The following MLLT3 variants were observed in gnomAD, a reference collection of about 807,000 sequenced individuals.
MLLT3 encodes MLLT3 super elongation complex subunit, also known as protein AF-9.
A neutral mutation model predicts 53.2 loss-of-function variants in MLLT3; 4 were observed. The observed-to-expected ratio is 0.08, with a 90% CI of 0.04 to 0.17. The LOEUF (loss-of-function observed/expected upper bound fraction) is 0.17. MLLT3 is among the 10% of genes least tolerant of loss of function. The pLI, the probability that MLLT3 is intolerant of heterozygous loss-of-function variation, is 1.00. For synonymous variants in MLLT3, 283 were observed against 230.6 expected, an observed-to-expected ratio of 1.23 and a Z score of -2.06; for missense variants, 569 against 684.0, an observed-to-expected ratio of 0.83 and a Z score of 1.87.
At chr9:20,587,691 T>G (rs1043926182) in intron 2 of MLLT3, among the ~76,000 whole-genome samples, 4 of 152,208 alleles carry the variant, frequency 2.6e-5, no homozygotes, top group East Asian at 1.9e-4. Context: ...TGGGGTTGTT[T>G]GTTTTTTTCT....
chr9:20,356,698 CT>C (rs762813248), intron 8 of MLLT3, among the ~76,000 whole-genome samples: 7 of 152,194 alleles, frequency 4.6e-5, no homozygotes, highest in Non-Finnish European at 8.8e-5. Context: ...CTTGAGGACG[CT>C]GTATTTGCAA....
At chr9:20,381,138 A>G (rs1042414349) in intron 5 of MLLT3, among the ~76,000 whole-genome samples, 1 of 151,976 alleles carries the variant, frequency 6.6e-6, no homozygotes, top group Non-Finnish European at 1.5e-5. Flanking sequence ...TCAAAAGAAA[A>G]TGCTCCAACA....
intron 4 of MLLT3, among the ~76,000 whole-genome samples, chr9:20,419,742 A>G (rs1020529275): frequency 6.6e-6 from 1 of 152,228 alleles, no homozygotes; most frequent in African/African-American, 2.4e-5. Context: ...CCAAAATTTA[A>G]GAATTCAAAT....
At chr9:20,566,746 T>C (rs1267157757) in intron 2 of MLLT3, among the ~76,000 whole-genome samples, 1 of 152,058 alleles carries the variant, frequency 6.6e-6, no homozygotes, top group Non-Finnish European at 1.5e-5. Context: ...GAAACACATG[T>C]CTGTGTCCTT....
intron 2 of MLLT3, among the ~76,000 whole-genome samples, chr9:20,474,547 T>A (rs1312389119): frequency 6.6e-6 from 1 of 152,100 alleles, no homozygotes; most frequent in African/African-American, 2.4e-5. Context: ...ACCAAAAGAC[T>A]CTGCCTTCAT....
chr9:20,540,123 C>G (rs1818589903), intron 2 of MLLT3, among the ~76,000 whole-genome samples: 1 of 152,232 alleles, frequency 6.6e-6, no homozygotes, highest in Admixed American at 6.5e-5. Flanking sequence ...AAGGGCTGGG[C>G]TCCCAAGGCC....
chr9:20,394,043 T>C (rs563539268), intron 5 of MLLT3, among the ~76,000 whole-genome samples: 10 of 152,206 alleles, frequency 6.6e-5, no homozygotes, highest in Non-Finnish European at 1.3e-4. Context: ...AATCATTCAA[T>C]GCCACCATCC....
At chr9:20,506,399 G>A (rs983184637) in intron 2 of MLLT3, among the ~76,000 whole-genome samples, 2 of 152,092 alleles carry the variant, frequency 1.3e-5, no homozygotes, top group Admixed American at 6.5e-5. Context: ...TAGACTGCTG[G>A]CTCTCCCTTT....
At chr9:20,602,718 C>G (rs1374362409) in intron 2 of MLLT3, among the ~76,000 whole-genome samples, 2 of 151,544 alleles carry the variant, frequency 1.3e-5, no homozygotes, top group African/African-American at 4.8e-5. Context: ...ATTATCAAAT[C>G]TCCTACTGCC....
At chr9:20,491,135 G>A (rs1032293564) in intron 2 of MLLT3, among the ~76,000 whole-genome samples, 3 of 151,876 alleles carry the variant, frequency 2.0e-5, no homozygotes, top group Admixed American at 2.0e-4. Flanking sequence ...CAACCCAACA[G>A]GAAAAACAAT....
chr9:20,424,205 A>G (rs1823085926), intron 4 of MLLT3, among the ~76,000 whole-genome samples: 1 of 152,176 alleles, frequency 6.6e-6, no homozygotes, highest in South Asian at 2.1e-4. Flanking sequence ...AATTTATTTT[A>G]AAATCAGAGG....
intron 2 of MLLT3, among the ~76,000 whole-genome samples, chr9:20,562,128 G>A (rs1456950590): frequency 6.6e-6 from 1 of 152,046 alleles, no homozygotes; most frequent in East Asian, 1.9e-4. Flanking sequence ...AGCCATGCAT[G>A]TCAACATTTA....
At chr9:20,498,508 T>C (rs1461042531) in intron 2 of MLLT3, among the ~76,000 whole-genome samples, 1 of 152,204 alleles carries the variant, frequency 6.6e-6, no homozygotes, top group East Asian at 1.9e-4. Context: ...CTGTAGGTTA[T>C]TCATATAATC....
intron 4 of MLLT3, among the ~76,000 whole-genome samples, chr9:20,445,112 C>T (rs767357680): frequency 1.3e-4 from 20 of 152,010 alleles, no homozygotes; most frequent in African/African-American, 4.6e-4. Context: ...AAAAGTTCGT[C>T]GGGCTAGATC....
intron 4 of MLLT3, among the ~76,000 whole-genome samples, chr9:20,444,378 T>C (rs1441690624): frequency 2.0e-5 from 3 of 152,102 alleles, no homozygotes; most frequent in Non-Finnish European, 4.4e-5. Flanking sequence ...ACATATTATG[T>C]TTGTTCTTGC....
intron 4 of MLLT3, among the ~76,000 whole-genome samples, chr9:20,431,926 C>T (rs1823281197): frequency 6.6e-6 from 1 of 151,908 alleles, no homozygotes; most frequent in Non-Finnish European, 1.5e-5. Context: ...CAAAGATGAG[C>T]AAACAAACAT....
At chr9:20,393,003 A>G (rs1822225869) in intron 5 of MLLT3, among the ~76,000 whole-genome samples, 1 of 152,114 alleles carries the variant, frequency 6.6e-6, no homozygotes, top group Non-Finnish European at 1.5e-5. Context: ...TAAAAATACA[A>G]AATTAGCTGG....
intron 5 of MLLT3, among the ~76,000 whole-genome samples, chr9:20,375,591 ATT>A (rs111532941): frequency 2.3e-4 from 29 of 126,118 alleles, no homozygotes; most frequent in African/African-American, 3.8e-4. Flanking sequence ...TATTTCAGTA[ATT>A]TTTTTTTTTT....
At chr9:20,465,435 T>C (rs574205594) in intron 2 of MLLT3, among the ~76,000 whole-genome samples, 50 of 152,266 alleles carry the variant, frequency 3.3e-4, no homozygotes, top group Non-Finnish European at 6.0e-4. Context: ...CATTTTTTAT[T>C]CTGACCCTTT....
Sources: allele counts gnomAD v4.1 joint callset (sites outside exome capture counted in the v4.1 genomes callset), GRCh38; gene constraint gnomAD v4.1.1; transcripts MANE v1.5; gene names NCBI Gene and HGNC (gene_info 2026-07-23, HGNC 2026-07-21).